THEMIS: variants seen among roughly 807,000 people sequenced by gnomAD.
THEMIS encodes protein THEMIS.
In THEMIS, 37 loss-of-function variants were observed where a neutral mutation model predicts 52.6. That is an observed-to-expected ratio of 0.70 (90% CI 0.54 to 0.93). The LOEUF (loss-of-function observed/expected upper bound fraction) is 0.93, where lower values mean the gene tolerates loss of function less well. THEMIS is among the 40% of genes least tolerant of loss of function. The pLI is 0.00. For missense variants in THEMIS, 808 were observed against 763.1 expected (o/e 1.06, Z -0.69); for synonymous variants, 292 against 272.7 (o/e 1.07, Z -0.70).
intron 1 of THEMIS, among the ~76,000 whole-genome samples, chr6:127,912,156 G>T (rs1443651899): frequency 6.6e-6 from 1 of 152,096 alleles, no homozygotes; most frequent in Admixed American, 6.5e-5. Flanking sequence ...AAATCATTTT[G>T]GAACTTTAAG....
At position 127,862,894 on chromosome 6, in the gene THEMIS, G is replaced by A. The variant is rs528126711; in HGVS notation, c.92-7706C>T. Reference sequence around the variant, plus strand: ...TAATAATCCTCAACATCGAGTTCTAGGTGACTATCCATCAGTTGAAGATGG... The same window carrying A: ...TAATAATCCTCAACATCGAGTTCTAAGTGACTATCCATCAGTTGAAGATGG... On this transcript the variant is annotated intron_variant, in intron 1 of 5. Coordinates refer to ENST00000368248, the MANE Select transcript of THEMIS (RefSeq NM_001010923.3). 2.6e-5 allele frequency among the ~76,000 whole-genome samples: 4 copies of A among 152,226 alleles called. No individual in the cohort carries two copies. The South Asian group carries it at 8.3e-4, about 32-fold the overall frequency.
At chr6:127,896,295 T>C (rs1282567440) in intron 1 of THEMIS, among the ~76,000 whole-genome samples, 2 of 150,702 alleles carry the variant, frequency 1.3e-5, no homozygotes, top group Admixed American at 1.3e-4. Context: ...TCACAGACAA[T>C]GCAAATGTAC....
intron 4 of THEMIS, among the ~76,000 whole-genome samples, chr6:127,788,356 G>C (rs1486796515): frequency 6.6e-6 from 1 of 152,136 alleles, no homozygotes; most frequent in Non-Finnish European, 1.5e-5. Flanking sequence ...CACCAACCTA[G>C]TGACTTTCCC....
chr6:127,824,615 CA>C (rs1241899085), intron 3 of THEMIS, among the ~76,000 whole-genome samples: 1 of 151,824 alleles, frequency 6.6e-6, no homozygotes, highest in Non-Finnish European at 1.5e-5. Flanking sequence ...AAAAGAACCC[CA>C]AAAGAGGAAG....
intron 1 of THEMIS, among the ~76,000 whole-genome samples, chr6:127,917,689 A>C (rs1383144568): frequency 6.6e-6 from 1 of 152,330 alleles, no homozygotes; most frequent in Admixed American, 6.5e-5. Flanking sequence ...GGTTAGTTGA[A>C]GAGAGACCAA....
chr6:127,705,861 C>T (rs1773791620), downstream of THEMIS, among the ~76,000 whole-genome samples: 1 of 152,154 alleles, frequency 6.6e-6, no homozygotes, highest in Admixed American at 6.5e-5. Flanking sequence ...GCTGAGGGAT[C>T]AACACAGTAG....
At chr6:127,731,864 A>ATTTTGTTTTTTTTTT (rs1774813755) in intron 4 of THEMIS, among the ~76,000 whole-genome samples, 1 of 41,704 alleles carries the variant, frequency 2.4e-5, no homozygotes. Flanking sequence ...TGCCCGGCTA[A>ATTTTGTTTTTTTTTT]TTTTTTTTTT....
intron 2 of THEMIS, among the ~76,000 whole-genome samples, chr6:127,837,422 C>T (rs1468039670): frequency 6.6e-6 from 1 of 151,956 alleles, no homozygotes; most frequent in Non-Finnish European, 1.5e-5. Flanking sequence ...CATGGTCTGT[C>T]GTAAGCTAAT....
At chr6:127,722,318 C>T (rs184283683) in intron 4 of THEMIS, among the ~76,000 whole-genome samples, 67 of 152,096 alleles carry the variant, frequency 4.4e-4, no homozygotes, top group African/African-American at 1.6e-3. Context: ...CTCGCTCTTC[C>T]TTGTTTACTT....
intron 4 of THEMIS, among the ~76,000 whole-genome samples, chr6:127,729,579 G>T (rs1056560204): frequency 6.6e-6 from 1 of 152,102 alleles, no homozygotes; most frequent in South Asian, 2.1e-4. Flanking sequence ...TTTTTCCAAT[G>T]TGAGTGCCTC....
chr6:127,779,500 C>T (rs961095889), intron 4 of THEMIS, among the ~76,000 whole-genome samples: 4 of 152,128 alleles, frequency 2.6e-5, no homozygotes, highest in Admixed American at 1.3e-4. Flanking sequence ...TTACTTCCCT[C>T]ATTTTATTTT....
intron 4 of THEMIS, among the ~76,000 whole-genome samples, chr6:127,748,316 G>A (rs372826431): frequency 5.3e-5 from 8 of 152,008 alleles, no homozygotes; most frequent in African/African-American, 1.9e-4. Context: ...TCAGCTTCTG[G>A]TGATGGCTTC....
At chr6:127,719,991 G>A (rs1774309268) in intron 4 of THEMIS, among the ~76,000 whole-genome samples, 168 bp from the exon 5 acceptor site, 1 of 151,828 alleles carries the variant, frequency 6.6e-6, no homozygotes, top group South Asian at 2.1e-4. Context: ...TGGAAACTGA[G>A]GTGTACAATT....
intron 3 of THEMIS, among the ~76,000 whole-genome samples, chr6:127,823,233 G>A (rs1475530340): frequency 6.6e-6 from 1 of 152,086 alleles, no homozygotes; most frequent in Non-Finnish European, 1.5e-5. Context: ...GCTGACTAGA[G>A]TATCTACTGG....
intron 5 of THEMIS, among the ~76,000 whole-genome samples, chr6:127,710,541 T>A (rs1345696927): frequency 1.3e-5 from 2 of 151,930 alleles, no homozygotes; most frequent in Admixed American, 1.3e-4. Flanking sequence ...CTAATAATTG[T>A]TAAACTGAAG....
chr6:127,747,621 C>G (rs936948238), intron 4 of THEMIS, among the ~76,000 whole-genome samples: 52 of 151,544 alleles, frequency 3.4e-4, no homozygotes, highest in African/African-American at 1.1e-3. Flanking sequence ...GTTTGTTTAT[C>G]CTTTTAAAAA....
chr6:127,789,684 A>G (rs1439393189), intron 4 of THEMIS, among the ~76,000 whole-genome samples: 2 of 152,184 alleles, frequency 1.3e-5, no homozygotes, highest in Non-Finnish European at 2.9e-5. Context: ...ACCACCATCA[A>G]GTCGGCTTCA....
intron 2 of THEMIS, among the ~76,000 whole-genome samples, chr6:127,842,630 T>C (rs567006900): frequency 6.6e-6 from 1 of 151,990 alleles, no homozygotes; most frequent in Non-Finnish European, 1.5e-5. Flanking sequence ...TCTTTTCAAC[T>C]AGTATAAAAA....
chr6:127,820,059 C>T (rs1034198967), intron 3 of THEMIS, among the ~76,000 whole-genome samples: 4 of 151,982 alleles, frequency 2.6e-5, no homozygotes, highest in Non-Finnish European at 5.9e-5. Flanking sequence ...AACTGCAGTA[C>T]TCATGACGTT....
Sources: allele counts gnomAD v4.1 joint callset (sites outside exome capture counted in the v4.1 genomes callset), GRCh38; gene constraint gnomAD v4.1.1; transcripts MANE v1.5; gene names NCBI Gene and HGNC (gene_info 2026-07-23, HGNC 2026-07-21).